ZNF143: variants seen among roughly 807,000 people sequenced by gnomAD.
ZNF143 encodes SPH-binding factor.
Under a neutral mutation model 74.1 loss-of-function variants are expected in ZNF143, and 49 were observed. The observed-to-expected ratio is 0.66, with a 90% CI of 0.53 to 0.84. ZNF143 has a LOEUF of 0.84. Among genes scored for constraint, ZNF143 ranks in the 40% least tolerant of loss-of-function variants. ZNF143 has a pLI of 0.00. For missense variants in ZNF143, 637 were observed against 793.4 expected (o/e 0.80, Z 2.37); for synonymous variants, 304 against 282.8 (o/e 1.07, Z -0.75).
chr11:9,464,174 C>A (rs530019987), intron 1 of ZNF143, among the ~76,000 whole-genome samples: 10 of 152,044 alleles, frequency 6.6e-5, no homozygotes, highest in African/African-American at 2.4e-4. Flanking sequence ...CACTCTCACC[C>A]AGACTGGAGT....
At chr11:9,495,214 C>G in intron 8 of ZNF143, among the ~76,000 whole-genome samples, 1 of 152,066 alleles carries the variant, frequency 6.6e-6, no homozygotes, top group East Asian at 1.9e-4. Flanking sequence ...GAGGCCGAGG[C>G]GGGTGGATCA....
intron 7 of ZNF143, among the ~76,000 whole-genome samples, chr11:9,490,528 C>G (rs886840124): frequency 1.6e-4 from 24 of 151,624 alleles, no homozygotes; most frequent in African/African-American, 5.6e-4. Context: ...TCAAGTGATC[C>G]ACCTGCTTCA....
intron 7 of ZNF143, among the ~76,000 whole-genome samples, chr11:9,481,199 G>A (rs149052260): frequency 6.6e-6 from 1 of 152,192 alleles, no homozygotes; most frequent in African/African-American, 2.4e-5. Context: ...ACCAGCCCGG[G>A]CAACAAAGTG....
intron 3 of ZNF143, chr11:9,473,651 T>C (rs910067604): frequency 4.6e-6 from 3 of 646,682 alleles, no homozygotes; most frequent in African/African-American, 1.9e-5. Context: ...TAAGTGACTC[T>C]GAAAGGTATA....
chr11:9,502,607 CA>C (rs35945973), intron 11 of ZNF143, among the ~76,000 whole-genome samples: 84,281 of 135,102 alleles, frequency 0.62, 25,371 homozygotes, highest in Non-Finnish European at 0.68. Context: ...GACTCCATCT[CA>C]AAAAAAAAAA....
chr11:9,508,610 G>T lies in ZNF143; in HGVS notation c.1148-9G>T, dbSNP rs1230137996. 2 of 1,604,050 alleles carry T rather than the reference G, an allele frequency of 1.2e-6. No homozygotes were observed. The highest frequency in any genetic ancestry group is 1.3e-5 in the African/African-American group (1 of 74,818). On this transcript the variant is annotated splice_polypyrimidine_tract_variant and intron_variant, in intron 11 of 15. Transcript: ENST00000396602. ...AAAAGTTGAACTTTTTTTTGGTGTTGCTCTTTAGGAGAAAAGCCATATGTT... is the reference window on the plus strand; with the variant it reads ...AAAAGTTGAACTTTTTTTTGGTGTTTCTCTTTAGGAGAAAAGCCATATGTT...
chr11:9,516,128 T>C (rs988289930), intron 13 of ZNF143, 73 bp from the exon 14 acceptor site: 5 of 1,485,234 alleles, frequency 3.4e-6, no homozygotes, highest in Non-Finnish European at 4.6e-6. Context: ...CAAGGATTAG[T>C]CCTGGTCCTT....
Position 9,486,346 on chromosome 11 carries a change from T to TATATA in ZNF143, c.645+6801_645+6805dup, listed in dbSNP as rs1847474338. On this transcript the variant is annotated intron_variant, in intron 7 of 15. Coordinates refer to ENST00000396602, the MANE Select transcript of ZNF143 (RefSeq NM_003442.6). ...GGTCCTAGGCGCTAATTATATTATA[T>TATATA]ATATATTATATATATATTATATATA... Among the ~76,000 whole-genome samples the TATATA allele has an allele frequency of 5.3e-5, 3 of 56,252 alleles. No individual in the cohort carries two copies. In the Admixed American group the frequency reaches 8.9e-4, roughly 17 times the overall value. 36.9% of individuals were successfully genotyped at this position (56,252 alleles called of 152,430 possible). A position where few individuals can be genotyped will look rare whatever the true frequency, so the allele number is the denominator to read the frequency against.
intron 8 of ZNF143, among the ~76,000 whole-genome samples, chr11:9,495,154 T>A (rs1172702692): frequency 6.6e-6 from 1 of 152,202 alleles, no homozygotes; most frequent in Non-Finnish European, 1.5e-5. Flanking sequence ...TTTAAATATT[T>A]GGGCTAAGGC....
chr11:9,481,760 C>T (rs141473466), intron 7 of ZNF143, among the ~76,000 whole-genome samples: 2,563 of 150,782 alleles, frequency 0.017, 67 homozygotes, highest in African/African-American at 0.058. Context: ...TGGTGGTGTG[C>T]GCCTATAATC....
At position 9,484,354 on chromosome 11, in the gene ZNF143, C is replaced by T. The variant is rs565937644; in HGVS notation, c.645+4808C>T. 2.0e-4 allele frequency among the ~76,000 whole-genome samples: 30 copies of T among 151,046 alleles called. 2 individuals carry two copies. The highest frequency in any genetic ancestry group is 1.5e-4 in the African/African-American group (6 of 40,596). ...TATCACAGGAGCGTGCCACCATGCCCGGCTAATTTTTTATATTTTTGTTAA... is the reference window on the plus strand; with the variant it reads ...TATCACAGGAGCGTGCCACCATGCCTGGCTAATTTTTTATATTTTTGTTAA... On this transcript the variant is annotated intron_variant, in intron 7 of 15. Coordinates refer to ENST00000396602, the MANE Select transcript of ZNF143 (RefSeq NM_003442.6).
intron 1 of ZNF143, among the ~76,000 whole-genome samples, chr11:9,469,420 C>T (rs1002484878): frequency 6.6e-5 from 10 of 151,788 alleles, no homozygotes; most frequent in Admixed American, 5.9e-4. Context: ...TTAGTAGTGA[C>T]GGGGTTTCAC....
At chr11:9,518,150 A>G (rs1848786925) in intron 14 of ZNF143, among the ~76,000 whole-genome samples, 1 of 152,252 alleles carries the variant, frequency 6.6e-6, no homozygotes, top group Non-Finnish European at 1.5e-5. Context: ...CAAAAGATTC[A>G]TAACTCAAAA....
chr11:9,486,371 A>ATATTATATATAATATATTAT (rs1477531952), intron 7 of ZNF143, among the ~76,000 whole-genome samples: 1 of 36,718 alleles, frequency 2.7e-5, no homozygotes, highest in Admixed American at 4.4e-4. Context: ...TATTATATAT[A>ATATTATATATAATATATTAT]ATATATTATA....
chr11:9,467,526 A>G (rs1856311412), intron 1 of ZNF143, among the ~76,000 whole-genome samples: 4 of 152,052 alleles, frequency 2.6e-5, no homozygotes, highest in Admixed American at 2.0e-4. Flanking sequence ...GTGAGCCACC[A>G]TGCCCAACAA....
rs770740140 is a variant in ZNF143 at position 9,478,339 on chromosome 11, A to G, written c.374-51A>G. On this transcript the variant is annotated intron_variant, in intron 5 of 15. Transcript: ENST00000396602. The stretch of plus-strand genomic sequence containing the variant: ...TCTCTCTTCCTTTAAATATGTAAAT[A>G]TTTGTCAGATTTTACCTTTAATTTA... The G allele has an allele frequency of 2.5e-6, 4 of 1,570,614 alleles. No individual in the cohort carries two copies. The Admixed American group carries it at 6.8e-5, about 27-fold the overall frequency.
Position 9,508,609 on chromosome 11 carries a change from T to C in ZNF143, c.1148-10T>C. 2 of 1,605,676 alleles carry C rather than the reference T, an allele frequency of 1.2e-6. No homozygotes were observed. Among genetic ancestry groups the C allele is most frequent in the Non-Finnish European group, 1.7e-6 (2 of 1,177,914 alleles). ...TAAAAGTTGAACTTTTTTTTGGTGT[T>C]GCTCTTTAGGAGAAAAGCCATATGT... On this transcript the variant is annotated splice_polypyrimidine_tract_variant and intron_variant, in intron 11 of 15. Transcript: ENST00000396602.
Position 9,494,667 on chromosome 11 carries a change from A to G in ZNF143, c.667A>G (p.Thr223Ala), listed in dbSNP as rs757448584. 3.7e-6 allele frequency: 6 copies of G among 1,613,840 alleles called. No individual in the cohort carries two copies. Among genetic ancestry groups the G allele is most frequent in the South Asian group, 2.2e-5 (2 of 91,076 alleles). ...KMQIVLQGHATRVTAKSQQSG... is the reference protein window; with the variant it reads ...KMQIVLQGHAARVTAKSQQSG... ...TTAGATTGTTTTACAAGGACATGCT[A>G]CAAGAGTAACTGCTAAATCTCAACA... is the stretch of plus-strand genomic sequence containing the variant. The change falls in exon 8 of 16, where the codon ACA becomes GCA. Residue 223 changes from threonine (T) to alanine (A), a missense_variant. Physicochemically the swap from Thr to Ala is moderately conservative, Grantham distance 58. Around this residue, in one of 2 missense-constraint regions of ZNF143, gnomAD observed 293 missense variants for 307.8 expected, o/e 0.95. Transcript: ENST00000396602.
intron 9 of ZNF143, among the ~76,000 whole-genome samples, chr11:9,496,678 C>A (rs1228129828): frequency 6.6e-6 from 1 of 151,750 alleles, no homozygotes; most frequent in African/African-American, 2.4e-5. Flanking sequence ...CTCACTGCAA[C>A]CTCCGCCTCC....
Sources: gnomAD v4.1 joint callset for allele counts (sites outside exome capture counted in the v4.1 genomes callset) on GRCh38, gnomAD v4.1.1 for gene constraint, gnomAD v4.1.1 regional missense constraint, MANE v1.5 for transcripts, NCBI Gene and HGNC (gene_info 2026-07-23, HGNC 2026-07-21) for gene names.